Variants in MYT1L observed in about 807,000 individuals in gnomAD.
MYT1L encodes myelin transcription factor 1 like, also known as myelin transcription factor 1-like protein.
A neutral mutation model predicts 126.7 loss-of-function variants in MYT1L; 12 were observed. The observed-to-expected ratio is 0.09, with a 90% CI of 0.06 to 0.15. The LOEUF (loss-of-function observed/expected upper bound fraction) is 0.15, where lower values mean the gene tolerates loss of function less well. Ranked by LOEUF, MYT1L falls within the 10% of genes least tolerant of loss-of-function variation. MYT1L has a pLI of 1.00. For synonymous variants in MYT1L, 541 were observed against 604.2 expected, an observed-to-expected ratio of 0.90 and a Z score of 1.53; for missense variants, 979 against 1,585.2, an observed-to-expected ratio of 0.62 and a Z score of 6.49.
At chr2:1,803,983 T>C (rs1017469301) in intron 22 of MYT1L, among the ~76,000 whole-genome samples, 5 of 152,078 alleles carry the variant, frequency 3.3e-5, no homozygotes, top group African/African-American at 1.2e-4. Context: ...AGAGGAGAGC[T>C]CTGGGTTGGG....
intron 1 of MYT1L, among the ~76,000 whole-genome samples, chr2:2,291,074 G>GAAA (rs1553627114): frequency 6.8e-4 from 99 of 145,232 alleles, no homozygotes; most frequent in Non-Finnish European, 1.3e-3. Flanking sequence ...AAAAAAAAAT[G>GAAA]AAAGTCAGTA....
At chr2:2,197,606 T>C (rs80203227) in intron 2 of MYT1L, among the ~76,000 whole-genome samples, 6,086 of 151,606 alleles carry the variant, frequency 0.04, 426 homozygotes, top group African/African-American at 0.14. Context: ...ATGTAACATA[T>C]ACACACGTAT....
Position 2,224,833 on chromosome 2 carries a change from A to T in MYT1L, c.-420-51845T>A, listed in dbSNP as rs2093967928. Reference sequence around the variant, plus strand: ...GACTCCGTCTCAAAAGAAAAAAAAAAAAAGGAAAATAAATGTTTCAAATCC... The same window carrying T: ...GACTCCGTCTCAAAAGAAAAAAAAATAAAGGAAAATAAATGTTTCAAATCC... On this transcript the variant is annotated intron_variant, in intron 2 of 24. Coordinates refer to ENST00000647738, the MANE Select transcript of MYT1L (RefSeq NM_001303052.2). This position sits in a 1 kb window ranked among gnomAD's most constrained non-coding sequence, Gnocchi z 4.0. Among the ~76,000 whole-genome samples the T allele has an allele frequency of 6.6e-6, 1 of 152,168 alleles. No individual in the cohort carries two copies. The highest frequency in any genetic ancestry group is 2.4e-5 in the African/African-American group (1 of 41,542).
intron 2 of MYT1L, among the ~76,000 whole-genome samples, chr2:2,244,066 T>C (rs929174909): frequency 7.9e-5 from 12 of 152,316 alleles, no homozygotes; most frequent in Admixed American, 7.8e-4. Flanking sequence ...AGACCATCAT[T>C]CCAAATATGT....
chr2:1,974,976 A>C (rs2060057234), intron 8 of MYT1L, among the ~76,000 whole-genome samples: 1 of 152,252 alleles, frequency 6.6e-6, no homozygotes, highest in Non-Finnish European at 1.5e-5. Context: ...TTTTGTTCAA[A>C]GACAGGATTT....
intron 3 of MYT1L, among the ~76,000 whole-genome samples, chr2:2,142,643 C>T (rs1328404101): frequency 6.6e-6 from 1 of 152,094 alleles, no homozygotes; most frequent in African/African-American, 2.4e-5. Flanking sequence ...TTCCCACTGC[C>T]TTGTGAGCTG....
chr2:1,994,522 C>T (rs962063806), intron 5 of MYT1L, among the ~76,000 whole-genome samples: 2 of 152,194 alleles, frequency 1.3e-5, no homozygotes, highest in Admixed American at 6.5e-5. Context: ...TCAGAGGTGT[C>T]GGCTCCCTCC....
intron 3 of MYT1L, among the ~76,000 whole-genome samples, chr2:2,152,598 C>T (rs1456180719): frequency 6.6e-6 from 1 of 152,044 alleles, no homozygotes; most frequent in Non-Finnish European, 1.5e-5. Flanking sequence ...GTGCAGAGGA[C>T]AGAAAACAGG....
chr2:2,221,282 G>A (rs2093861118), intron 2 of MYT1L, among the ~76,000 whole-genome samples: 1 of 152,162 alleles, frequency 6.6e-6, no homozygotes, highest in African/African-American at 2.4e-5. Context: ...GGCACCTCTT[G>A]GAGGGCGGAC....
intron 4 of MYT1L, among the ~76,000 whole-genome samples, chr2:2,002,448 C>G (rs1448315679): frequency 6.6e-6 from 1 of 152,224 alleles, no homozygotes; most frequent in Non-Finnish European, 1.5e-5. Flanking sequence ...ATGTATGCCA[C>G]ATGCTTCAGT....
chr2:1,869,789 A>G (rs2046048467), intron 18 of MYT1L, among the ~76,000 whole-genome samples: 2 of 152,146 alleles, frequency 1.3e-5, no homozygotes, highest in East Asian at 1.9e-4. Flanking sequence ...GGTTTGAAGA[A>G]AACCAAGTAC....
At chr2:2,249,777 C>A (rs2094600405) in intron 2 of MYT1L, among the ~76,000 whole-genome samples, 2 of 152,086 alleles carry the variant, frequency 1.3e-5, no homozygotes, top group South Asian at 2.1e-4. Context: ...AACTACCCAT[C>A]TGACAAGAGA....
intron 5 of MYT1L, among the ~76,000 whole-genome samples, chr2:1,995,455 G>C (rs1398178142): frequency 1.3e-5 from 2 of 152,138 alleles, no homozygotes; most frequent in African/African-American, 4.8e-5. Context: ...GCATCAACAA[G>C]AGCATTCTAA....
In MYT1L at chr2:2,225,950, G is replaced by A. The variant is rs147557490; in HGVS notation, c.-420-52962C>T. On this transcript the variant is annotated intron_variant, in intron 2 of 24. Coordinates refer to ENST00000647738, the MANE Select transcript of MYT1L (RefSeq NM_001303052.2). The stretch of plus-strand genomic sequence containing the variant: ...TAAGAAGCTTGCCCCAGGTCAGAGA[G>A]TGAGGGTGGAATGGGGACATGGATG... Among the ~76,000 whole-genome samples the A allele has an allele frequency of 7.0e-3, 1,060 of 152,310 alleles. 13 individuals are homozygous for A. The highest frequency in any genetic ancestry group is 7.8e-3 in the Non-Finnish European group (533 of 68,040).
intron 4 of MYT1L, among the ~76,000 whole-genome samples, chr2:2,045,026 C>G (rs1020634895): frequency 5.3e-5 from 8 of 152,110 alleles, no homozygotes; most frequent in Admixed American, 4.6e-4. Context: ...TGGTCCATTT[C>G]CATGTAAATG....
At chr2:1,906,832 C>CT (rs1270715050) in intron 13 of MYT1L, among the ~76,000 whole-genome samples, 1 of 151,818 alleles carries the variant, frequency 6.6e-6, no homozygotes, top group Non-Finnish European at 1.5e-5. Context: ...AATCCCAACA[C>CT]TTTGAGAGGC....
At chr2:2,114,662 G>A (rs2079956709) in intron 3 of MYT1L, among the ~76,000 whole-genome samples, 1 of 152,198 alleles carries the variant, frequency 6.6e-6, no homozygotes, top group South Asian at 2.1e-4. Context: ...TGAAATATAA[G>A]AGGTACCCAA....
chr2:2,008,312 C>G (rs886366364), intron 4 of MYT1L, among the ~76,000 whole-genome samples: 4 of 152,210 alleles, frequency 2.6e-5, no homozygotes, highest in African/African-American at 9.6e-5. Context: ...CGGGCGTGGC[C>G]AGCCTCGCAT....
chr2:1,887,479 C>T lies in MYT1L; in HGVS notation c.2642+9G>A, dbSNP rs768660695. On this transcript the variant is annotated intron_variant, in intron 17 of 24. Transcript: ENST00000647738. This position sits in a 1 kb window ranked among gnomAD's most constrained non-coding sequence, Gnocchi z 4.8. ...GAAGATTCATAATTTCACCTCACAG[C>T]ATGCTTACGTTATTAAGTCCTTTTT... 1 of 1,613,912 alleles carries T rather than the reference C, an allele frequency of 6.2e-7. No homozygotes were observed. Among genetic ancestry groups the T allele is most frequent in the Admixed American group, 1.7e-5 (1 of 60,002 alleles).
Sources: allele counts gnomAD v4.1 joint callset (sites outside exome capture counted in the v4.1 genomes callset), GRCh38; gene constraint gnomAD v4.1.1; non-coding constraint Gnocchi (gnomAD v3.1); transcripts MANE v1.5; gene names NCBI Gene and HGNC (gene_info 2026-07-23, HGNC 2026-07-21).